Variants in LRRN2 observed in about 807,000 individuals in gnomAD.
The protein encoded by LRRN2 is leucine rich repeat neuronal 2.
Under a neutral mutation model 35.7 loss-of-function variants are expected in LRRN2, and 10 were observed. The observed-to-expected ratio is 0.28, with a 90% CI of 0.17 to 0.47. The LOEUF is 0.47. LRRN2 is among the 20% of genes least tolerant of loss of function. The probability of loss-of-function intolerance (pLI) is 0.99; values close to 1 mark genes in which losing one functional copy is unlikely to be tolerated. For synonymous variants in LRRN2, 391 were observed against 409.6 expected, an observed-to-expected ratio of 0.95 and a Z score of 0.55; for missense variants, 731 against 940.3, an observed-to-expected ratio of 0.78 and a Z score of 2.91.
At chr1:204,640,557 A>C (rs1276970091) in intron 1 of LRRN2, among the ~76,000 whole-genome samples, 1 of 152,068 alleles carries the variant, frequency 6.6e-6, no homozygotes, top group African/African-American at 2.4e-5. Context: ...TTCCGAGGAG[A>C]CGGTGAGGCC....
At chr1:204,664,867 C>T (rs1247379873) in intron 1 of LRRN2, among the ~76,000 whole-genome samples, 1 of 152,212 alleles carries the variant, frequency 6.6e-6, no homozygotes, top group East Asian at 1.9e-4. Flanking sequence ...TCCTCCACTC[C>T]CCATTATGGT....
intron 1 of LRRN2, among the ~76,000 whole-genome samples, chr1:204,624,069 G>A (rs912575257): frequency 6.6e-6 from 1 of 152,194 alleles, no homozygotes; most frequent in Non-Finnish European, 1.5e-5. Flanking sequence ...CCCAGCCAAT[G>A]TGGATCAGCA....
chr1:204,677,920 T>C (rs1668860944), intron 1 of LRRN2, among the ~76,000 whole-genome samples: 1 of 152,090 alleles, frequency 6.6e-6, no homozygotes, highest in South Asian at 2.1e-4. Context: ...CCCTTGCACG[T>C]TGCCACGTGG....
intron 1 of LRRN2, among the ~76,000 whole-genome samples, chr1:204,638,017 T>C (rs1667877322): frequency 6.6e-6 from 1 of 152,194 alleles, no homozygotes; most frequent in Non-Finnish European, 1.5e-5. Context: ...TTTCCTTTCC[T>C]TGCTTTTCTT....
At chr1:204,630,345 C>A (rs1667655520) in intron 1 of LRRN2, among the ~76,000 whole-genome samples, 1 of 152,074 alleles carries the variant, frequency 6.6e-6, no homozygotes, top group South Asian at 2.1e-4. Context: ...AGGGGCTGGG[C>A]TCTGGCGGCT....
intron 1 of LRRN2, among the ~76,000 whole-genome samples, chr1:204,662,497 G>A (rs1049410894): frequency 1.3e-5 from 2 of 152,128 alleles, no homozygotes; most frequent in East Asian, 1.9e-4. Flanking sequence ...ATCTGAACTC[G>A]GCTCCATATG....
chr1:204,629,558 A>T lies in LRRN2; in HGVS notation c.-226-9340T>A, dbSNP rs138997409. The T allele has an allele frequency of 6.3e-3, 1,013 of 160,556 alleles. 13 individuals are homozygous for T. The highest frequency in any genetic ancestry group is 0.023 in the African/African-American group (970 of 41,680). The allele number at this position is 160,556 out of a possible 1,614,324, so 9.9% of individuals were successfully genotyped here. A position where few individuals can be genotyped will look rare whatever the true frequency, so the allele number is the denominator to read the frequency against. ...TGTGGTAGTGAATAAGTCTCACAAG[A>T]TCTGATGGTTTTATCAGGGATTTCT... On this transcript the variant is annotated intron_variant, in intron 1 of 1. Coordinates refer to ENST00000367177, the MANE Select transcript of LRRN2 (RefSeq NM_201630.2).
intron 1 of LRRN2, among the ~76,000 whole-genome samples, chr1:204,671,233 G>A (rs1398145086): frequency 6.6e-6 from 1 of 152,058 alleles, no homozygotes; most frequent in African/African-American, 2.4e-5. Context: ...GAGGTCCTCA[G>A]CTGAGCATGA....
At chr1:204,620,309 T>C in intron 1 of LRRN2, 91 bp from the exon 2 acceptor site, 1 of 888,160 alleles carries the variant, frequency 1.1e-6, no homozygotes, top group Non-Finnish European at 1.6e-6. Flanking sequence ...AGAGTCTCAT[T>C]CTGTCACCCA....
intron 1 of LRRN2, among the ~76,000 whole-genome samples, chr1:204,639,497 T>G (rs958157403): frequency 6.6e-6 from 1 of 152,116 alleles, no homozygotes; most frequent in Non-Finnish European, 1.5e-5. Context: ...AACATTAGCC[T>G]GTTGTGGTGG....
intron 1 of LRRN2, among the ~76,000 whole-genome samples, chr1:204,652,264 C>CCCCGCCCCCCCG (rs1226307656): frequency 2.8e-4 from 3 of 10,542 alleles, no homozygotes; most frequent in Admixed American, 1.3e-3. Context: ...TTCACCGCCC[C>CCCCGCCCCCCCG]CCCCCCGCCC....
intron 1 of LRRN2, among the ~76,000 whole-genome samples, chr1:204,642,956 C>T (rs1274214005): frequency 2.0e-5 from 3 of 152,204 alleles, no homozygotes; most frequent in East Asian, 1.9e-4. Context: ...GCCTGATAGA[C>T]TGTTTTTCGG....
intron 1 of LRRN2, among the ~76,000 whole-genome samples, chr1:204,668,133 C>A (rs1009904987): frequency 5.9e-5 from 9 of 152,204 alleles, no homozygotes; most frequent in African/African-American, 2.2e-4. Flanking sequence ...ACCAAGCTAA[C>A]TTGGTCTGCT....
intron 1 of LRRN2, among the ~76,000 whole-genome samples, chr1:204,650,628 T>C (rs1021679229): frequency 6.6e-6 from 1 of 152,154 alleles, no homozygotes; most frequent in Non-Finnish European, 1.5e-5. Flanking sequence ...GAGGGGTGTA[T>C]GTAGGAAGCC....
chr1:204,634,249 C>G (rs1433492248), intron 1 of LRRN2, among the ~76,000 whole-genome samples: 3 of 152,206 alleles, frequency 2.0e-5, no homozygotes, highest in African/African-American at 7.2e-5. Context: ...TCTCAGCCAG[C>G]CCTATGTCCT....
At chr1:204,656,111 C>G (rs977940175) in intron 1 of LRRN2, among the ~76,000 whole-genome samples, 3 of 151,904 alleles carry the variant, frequency 2.0e-5, no homozygotes, top group African/African-American at 7.3e-5. Flanking sequence ...GGGTTTCACC[C>G]TGTTAGCCAG....
rs1667688661 is a variant in LRRN2, at chr1:204,631,258, ATATATATATATATATATAT to A, written c.-226-11059_-226-11041del. Among the ~76,000 whole-genome samples the A allele has an allele frequency of 2.4e-3, 95 of 38,942 alleles. 2 individuals are homozygous for A. Among genetic ancestry groups the A allele is most frequent in the African/African-American group, 6.7e-3 (73 of 10,870 alleles). The allele number at this position is 38,942 out of a possible 152,430, so 25.5% of individuals were successfully genotyped here. On this transcript the variant is annotated intron_variant, in intron 1 of 1. Transcript: ENST00000367177. ...AGAAGAGTGATACCTAGAGTGTTCTATATATATATATATATATATATATATATATATATATATATATATA... is the reference window on the plus strand; with the variant it reads ...AGAAGAGTGATACCTAGAGTGTTCTAATATATATATATATATATATATATA...
At chr1:204,620,629 G>C (rs1415341009) in intron 1 of LRRN2, 2 of 172,554 alleles carry the variant, frequency 1.2e-5, no homozygotes, top group Non-Finnish European at 2.8e-5. Flanking sequence ...TAATGGCCAG[G>C]CCTGTCCTTA....
intron 1 of LRRN2, among the ~76,000 whole-genome samples, chr1:204,624,504 C>G (rs1424375857): frequency 6.6e-6 from 1 of 152,218 alleles, no homozygotes; most frequent in South Asian, 2.1e-4. Flanking sequence ...CCTGTCAGGT[C>G]TATGTTCTCG....
Sources: allele counts gnomAD v4.1 joint callset (sites outside exome capture counted in the v4.1 genomes callset), GRCh38; gene constraint gnomAD v4.1.1; transcripts MANE v1.5; gene names NCBI Gene and HGNC (gene_info 2026-07-23, HGNC 2026-07-21).